SPATS2L: variants seen among roughly 807,000 people sequenced by gnomAD.
The protein encoded by SPATS2L is SPATS2-like protein.
In SPATS2L, 30 loss-of-function variants were observed where a neutral mutation model predicts 59.6. The ratio of observed to expected loss-of-function variants is 0.50; its 90% CI spans 0.38 to 0.68. SPATS2L has a LOEUF of 0.68. SPATS2L is among the 30% of genes least tolerant of loss of function. The pLI, the probability that SPATS2L is intolerant of heterozygous loss-of-function variation, is 0.00. For synonymous variants in SPATS2L, 252 were observed against 263.5 expected, an observed-to-expected ratio of 0.96 and a Z score of 0.42; for missense variants, 615 against 700.0, an observed-to-expected ratio of 0.88 and a Z score of 1.37.
At chr2:200,332,152 G>C (rs2079964404) in intron 2 of SPATS2L, among the ~76,000 whole-genome samples, 1 of 21,908 alleles carries the variant, frequency 4.6e-5, no homozygotes, top group Admixed American at 7.4e-4. Context: ...ATGTGTGTGT[G>C]TGAGAGAGAG....
At chr2:200,336,222 A>G (rs1345692784) in intron 2 of SPATS2L, among the ~76,000 whole-genome samples, 5 of 152,252 alleles carry the variant, frequency 3.3e-5, no homozygotes, top group African/African-American at 7.2e-5. Context: ...GAAGCTGGCC[A>G]TGAAAATTTT....
At chr2:200,452,508 C>T (rs2085529831) in intron 8 of SPATS2L, among the ~76,000 whole-genome samples, 1 of 152,232 alleles carries the variant, frequency 6.6e-6, no homozygotes, top group African/African-American at 2.4e-5. Flanking sequence ...GTATGATGAA[C>T]AATTTATTAA....
chr2:200,435,325 C>T (rs950696714), intron 6 of SPATS2L, among the ~76,000 whole-genome samples: 1 of 152,118 alleles, frequency 6.6e-6, no homozygotes, highest in African/African-American at 2.4e-5. Flanking sequence ...TTCAAAGACA[C>T]AAACTTCTAG....
intron 8 of SPATS2L, among the ~76,000 whole-genome samples, chr2:200,455,667 C>T (rs747398924): frequency 6.6e-6 from 1 of 152,154 alleles, no homozygotes; most frequent in Non-Finnish European, 1.5e-5. Flanking sequence ...TCTTCTGTGA[C>T]TCATCAACTC....
At chr2:200,379,690 G>T (rs76678206) in intron 2 of SPATS2L, among the ~76,000 whole-genome samples, 5 of 151,512 alleles carry the variant, frequency 3.3e-5, no homozygotes, top group Non-Finnish European at 7.4e-5. Context: ...AGCGGGTGGT[G>T]GGGGGGATGG....
chr2:200,478,048 G>C lies in SPATS2L; in HGVS notation c.*17G>C. 2 of 1,523,924 alleles carry C rather than the reference G, an allele frequency of 1.3e-6. No individual in the cohort carries two copies. Among genetic ancestry groups the C allele is most frequent in the Non-Finnish European group, 1.8e-6 (2 of 1,137,676 alleles). 94.4% of individuals were successfully genotyped at this position (1,523,924 alleles called of 1,614,324 possible). ...GTGGCCTGAGCTAGGAGGAAAAAGAGCAGTTTTCACTCAGTTTTGGTTCCC... is the reference window on the plus strand; with the variant it reads ...GTGGCCTGAGCTAGGAGGAAAAAGACCAGTTTTCACTCAGTTTTGGTTCCC... On this transcript the variant is annotated 3_prime_UTR_variant, in exon 13 of 13. Transcript: ENST00000409140.
At chr2:200,318,692 A>T (rs1422607695) in intron 1 of SPATS2L, among the ~76,000 whole-genome samples, 1 of 152,200 alleles carries the variant, frequency 6.6e-6, no homozygotes, top group African/African-American at 2.4e-5. Flanking sequence ...GCATATTTAG[A>T]TATTACTTAC....
At chr2:200,474,648 TTAGTC>T (rs1459360882) in intron 12 of SPATS2L, among the ~76,000 whole-genome samples, 3 of 152,168 alleles carry the variant, frequency 2.0e-5, no homozygotes, top group African/African-American at 7.2e-5. Context: ...AGTCTAAAAT[TTAGTC>T]TAAGAGTTTC....
In SPATS2L at chr2:200,364,495, T is replaced by C. The variant is rs183044510; in HGVS notation, c.-22-24728T>C. Among the ~76,000 whole-genome samples the C allele has an allele frequency of 3.4e-3, 513 of 152,346 alleles. 4 individuals carry two copies. The highest frequency in any genetic ancestry group is 5.8e-3 in the Non-Finnish European group (392 of 68,036). On this transcript the variant is annotated intron_variant, in intron 2 of 12. Transcript: ENST00000409140. ...GGTTGCCGATGGACTTCTTTCTTAA[T>C]GTCAGTGGCAACTGTCAAGTCTTAT...
chr2:200,440,873 AATAC>A, intron 8 of SPATS2L, 89 bp downstream of exon 8: 1 of 1,452,112 alleles, frequency 6.9e-7, no homozygotes, highest in Admixed American at 2.0e-5. Flanking sequence ...TTGTTTATTT[AATAC>A]ATAAACATCA....
At chr2:200,306,259 G>A (rs533247569), upstream of SPATS2L, 3 of 1,002,390 alleles carry the variant, frequency 3.0e-6, no homozygotes, top group African/African-American at 5.2e-5. Context: ...CGTATTTGCA[G>A]ACAGTGCTGA....
intron 3 of SPATS2L, among the ~76,000 whole-genome samples, chr2:200,409,310 A>C (rs568284461): frequency 2.6e-5 from 4 of 152,186 alleles, no homozygotes; most frequent in Non-Finnish European, 5.9e-5. Context: ...CAACCTCACT[A>C]TAACTCTTCC....
At chr2:200,373,270 C>CAAAAAAAAAAAAAAAA (rs3856514) in intron 2 of SPATS2L, 1 of 106,038 alleles carries the variant, frequency 9.4e-6, no homozygotes, top group Non-Finnish European at 1.9e-5. Context: ...ACTGCCTTAA[C>CAAAAAAAAAAAAAAAA]AAAAAAAAAA....
At chr2:200,315,856 CAAAAAAAAA>C (rs374718905) in intron 1 of SPATS2L, among the ~76,000 whole-genome samples, 1 of 90,934 alleles carries the variant, frequency 1.1e-5, no homozygotes, top group Non-Finnish European at 2.0e-5. Context: ...ACCAAAAATC[CAAAAAAAAA>C]AAAAAAAAAA....
At chr2:200,401,464 T>G (rs2082526501) in intron 3 of SPATS2L, among the ~76,000 whole-genome samples, 1 of 152,206 alleles carries the variant, frequency 6.6e-6, no homozygotes, top group African/African-American at 2.4e-5. Context: ...AGTAAAACTG[T>G]TCTAAACTAG....
intron 12 of SPATS2L, among the ~76,000 whole-genome samples, chr2:200,473,527 GTCTTC>G (rs1327582108): frequency 2.0e-5 from 3 of 152,190 alleles, no homozygotes; most frequent in African/African-American, 7.2e-5. Flanking sequence ...AGTTAGTGCA[GTCTTC>G]TCTTCTCTTG....
At chr2:200,307,743 C>A (rs986439673) in intron 1 of SPATS2L, among the ~76,000 whole-genome samples, 4 of 152,242 alleles carry the variant, frequency 2.6e-5, no homozygotes, top group Non-Finnish European at 5.9e-5. Flanking sequence ...GTCGCGTCTT[C>A]GCGAGTGGAG....
intron 2 of SPATS2L, among the ~76,000 whole-genome samples, chr2:200,383,496 G>A (rs2081892887): frequency 6.6e-6 from 1 of 152,130 alleles, no homozygotes; most frequent in Non-Finnish European, 1.5e-5. Flanking sequence ...GGCTTTGCAT[G>A]AAAATGACCT....
intron 2 of SPATS2L, among the ~76,000 whole-genome samples, chr2:200,356,160 A>G (rs1172805810): frequency 6.6e-6 from 1 of 152,226 alleles, no homozygotes; most frequent in Non-Finnish European, 1.5e-5. Flanking sequence ...GTATCTATCT[A>G]TAAAGTGTAT....
Sources: gnomAD v4.1 joint callset for allele counts (sites outside exome capture counted in the v4.1 genomes callset) on GRCh38, gnomAD v4.1.1 for gene constraint, MANE v1.5 for transcripts, NCBI Gene and HGNC (gene_info 2026-07-23, HGNC 2026-07-21) for gene names.